Variants in KDM1A observed in about 807,000 individuals in gnomAD.
KDM1A encodes lysine-specific histone demethylase 1A.
In KDM1A, 49 loss-of-function variants were observed where a neutral mutation model predicts 109.4. The observed-to-expected ratio is 0.45, with a 90% confidence interval of 0.36 to 0.57. The LOEUF is 0.57. Ranked by LOEUF, KDM1A falls within the 20% of genes least tolerant of loss-of-function variation. KDM1A has a pLI of 0.00. For missense variants in KDM1A, 668 were observed against 1,116.6 expected, an observed-to-expected ratio of 0.60 and a Z score of 5.73; for synonymous variants, 380 against 415.4, an observed-to-expected ratio of 0.91 and a Z score of 1.04.
intron 15 of KDM1A, 44 bp downstream of exon 15, chr1:23,073,447 A>G (rs1387564232): frequency 3.0e-6 from 3 of 999,672 alleles, no homozygotes; most frequent in Admixed American, 1.8e-5. Context: ...TGCCTTTGAG[A>G]GGGATTGTAA....
chr1:23,020,958 G>A (rs1187528683), intron 1 of KDM1A, among the ~76,000 whole-genome samples: 2 of 152,174 alleles, frequency 1.3e-5, no homozygotes, highest in Non-Finnish European at 2.9e-5. Flanking sequence ...AGATTTAATG[G>A]TCGGTCTAGT....
chr1:23,064,490 C>T (rs1038102122), intron 9 of KDM1A, among the ~76,000 whole-genome samples: 3 of 152,196 alleles, frequency 2.0e-5, no homozygotes, highest in Non-Finnish European at 4.4e-5. Flanking sequence ...AATCTCAGAA[C>T]TTTGATTACC....
chr1:23,047,240 G>C (rs1001207862), intron 3 of KDM1A, among the ~76,000 whole-genome samples: 3 of 151,878 alleles, frequency 2.0e-5, no homozygotes, highest in Non-Finnish European at 2.9e-5. Flanking sequence ...TTATCTTGCA[G>C]GCTTTTCACC....
intron 20 of KDM1A, chr1:23,082,713 G>A: frequency 4.8e-6 from 1 of 208,204 alleles, no homozygotes; most frequent in Non-Finnish European, 9.7e-6. Context: ...GGCTTCCAGG[G>A]CATTTCTGAG....
chr1:23,078,027 C>T (rs1005864880), intron 16 of KDM1A, among the ~76,000 whole-genome samples: 27 of 152,144 alleles, frequency 1.8e-4, no homozygotes, highest in African/African-American at 6.3e-4. Flanking sequence ...TTGAACTCCT[C>T]AAGATAACTA....
chr1:23,072,216 A>G lies in KDM1A; in HGVS notation c.1622+19A>G, dbSNP rs771119321. ...CCCCAAGGTAAGGAAAACAAACACAAAAGTTCAGAGGGAGAGCTTTTACTG... is the reference window on the plus strand; with the variant it reads ...CCCCAAGGTAAGGAAAACAAACACAGAAGTTCAGAGGGAGAGCTTTTACTG... On this transcript the variant is annotated intron_variant, in intron 14 of 20. Transcript: ENST00000400181. 5.5e-5 allele frequency: 86 copies of G among 1,577,152 alleles called. No homozygotes were observed. Among genetic ancestry groups the G allele is most frequent in the African/African-American group, 3.5e-4 (26 of 74,078 alleles).
intron 16 of KDM1A, among the ~76,000 whole-genome samples, chr1:23,078,526 G>A (rs931631971): frequency 6.6e-6 from 1 of 152,100 alleles, no homozygotes; most frequent in African/African-American, 2.4e-5. Flanking sequence ...AGCATAGCAC[G>A]CTCCACAGTT....
chr1:23,063,225 TGTGTGG>T (rs202086083), intron 9 of KDM1A, among the ~76,000 whole-genome samples: 10,899 of 49,828 alleles, frequency 0.22, 1,024 homozygotes, highest in Middle Eastern at 0.32. Context: ...GGGGTGGGTG[TGTGTGG>T]GTGTGTGTGT....
intron 3 of KDM1A, among the ~76,000 whole-genome samples, 177 bp from the exon 4 acceptor site, chr1:23,050,210 T>G (rs1642625553): frequency 6.6e-6 from 1 of 152,232 alleles, no homozygotes; most frequent in Non-Finnish European, 1.5e-5. Context: ...AAGTATAAAC[T>G]TTGGAATGTT....
intron 2 of KDM1A, among the ~76,000 whole-genome samples, chr1:23,032,020 T>G (rs768059985): frequency 6.6e-6 from 1 of 152,210 alleles, no homozygotes; most frequent in Admixed American, 6.5e-5. Flanking sequence ...CTCTCTTCCT[T>G]CTGTTCTTAC....
intron 1 of KDM1A, among the ~76,000 whole-genome samples, chr1:23,023,689 CAT>C: frequency 6.6e-6 from 1 of 152,236 alleles, no homozygotes; most frequent in East Asian, 1.9e-4. Context: ...TTTGCATTTC[CAT>C]ATGAATTTTA....
intron 2 of KDM1A, among the ~76,000 whole-genome samples, chr1:23,032,690 T>C (rs1404701086): frequency 6.6e-6 from 1 of 152,116 alleles, no homozygotes; most frequent in Non-Finnish European, 1.5e-5. Context: ...TAGAAAAAAG[T>C]GTCAACTTAC....
At position 23,079,397 on chromosome 1, in the gene KDM1A, T is replaced by C. The variant is rs537008085; in HGVS notation, c.2056-156T>C. ...AGTCTTATGGGGTCATTTCACAAAC[T>C]CAGGCCTATAAAAAGGGGATCGTAA... On this transcript the variant is annotated intron_variant, in intron 17 of 20. Transcript: ENST00000400181. This position sits in a 1 kb window ranked among gnomAD's most constrained non-coding sequence, Gnocchi z 5.6. 7.9e-5 allele frequency among the ~76,000 whole-genome samples: 12 copies of C among 152,304 alleles called. No individual in the cohort carries two copies. In the South Asian group the frequency reaches 2.5e-3, roughly 32 times the overall value.
chr1:23,054,582 C>G (rs1222501713), intron 5 of KDM1A, among the ~76,000 whole-genome samples: 3 of 152,088 alleles, frequency 2.0e-5, no homozygotes, highest in Non-Finnish European at 2.9e-5. Context: ...ATCTGCCAGG[C>G]ACCATCATGC....
At chr1:23,044,982 C>G (rs950185739) in intron 3 of KDM1A, among the ~76,000 whole-genome samples, 1 of 152,128 alleles carries the variant, frequency 6.6e-6, no homozygotes, top group Non-Finnish European at 1.5e-5. Flanking sequence ...GTTAACATTA[C>G]GTAGTTAATC....
chr1:23,022,831 G>A (rs993327072), intron 1 of KDM1A, among the ~76,000 whole-genome samples: 2 of 151,376 alleles, frequency 1.3e-5, no homozygotes, highest in Non-Finnish European at 2.9e-5. Context: ...GCCAGTTTTT[G>A]TATTTTTAGT....
intron 1 of KDM1A, among the ~76,000 whole-genome samples, chr1:23,027,988 C>T (rs1222236041): frequency 2.6e-5 from 4 of 152,110 alleles, no homozygotes; most frequent in African/African-American, 9.7e-5. Flanking sequence ...GATATTATTG[C>T]TTCTACCTGT....
chr1:23,077,195 G>T (rs1339745950), intron 15 of KDM1A, 33 bp from the exon 16 acceptor site: 1 of 1,599,318 alleles, frequency 6.3e-7, no homozygotes, highest in African/African-American at 1.3e-5. Context: ...ATTAATAAAA[G>T]GTTGGAAATA....
intron 2 of KDM1A, among the ~76,000 whole-genome samples, chr1:23,039,356 G>A (rs1642240258): frequency 6.6e-6 from 1 of 151,982 alleles, no homozygotes; most frequent in South Asian, 2.1e-4. Flanking sequence ...CATTTTTACT[G>A]TCACCTTTTT....
Sources: gnomAD v4.1 joint callset for allele counts (sites outside exome capture counted in the v4.1 genomes callset) on GRCh38, gnomAD v4.1.1 for gene constraint, Gnocchi (gnomAD v3.1) non-coding constraint, MANE v1.5 for transcripts, NCBI Gene and HGNC (gene_info 2026-07-23, HGNC 2026-07-21) for gene names.